The following JAZF1 variants were observed in gnomAD, a reference collection of about 807,000 sequenced individuals.
The protein encoded by JAZF1 is JAZF zinc finger 1.
A neutral mutation model predicts 26.4 loss-of-function variants in JAZF1; 8 were observed. That is an observed-to-expected ratio of 0.30 (90% confidence interval 0.18 to 0.55). The LOEUF (loss-of-function observed/expected upper bound fraction) is 0.55. JAZF1 is among the 20% of genes least tolerant of loss of function. JAZF1 has a pLI of 0.94. For synonymous variants in JAZF1, 126 were observed against 122.3 expected (o/e 1.03, Z -0.20); for missense variants, 199 against 322.0 (o/e 0.62, Z 2.92).
At chr7:28,125,255 G>T (rs561601056) in intron 1 of JAZF1, among the ~76,000 whole-genome samples, 56 of 150,478 alleles carry the variant, frequency 3.7e-4, no homozygotes, top group African/African-American at 1.3e-3. Context: ...TTAAAATTCA[G>T]TTTTCCCCCC....
chr7:28,068,217 GT>G lies in JAZF1; in HGVS notation c.116-76237del, dbSNP rs551935511. Among the ~76,000 whole-genome samples the G allele has an allele frequency of 9.2e-3, 1,151 of 124,462 alleles. 14 individuals are homozygous for G. The highest frequency in any genetic ancestry group is 0.025 in the African/African-American group (876 of 34,382). 81.7% of individuals were successfully genotyped at this position (124,462 alleles called of 152,430 possible). ...GGTGTAAGCCACCGTGCTCAGCCTA[GT>G]TTTTTTTTTTTTTTTTTTCATAAAG... is the stretch of plus-strand genomic sequence containing the variant. On this transcript the variant is annotated intron_variant, in intron 1 of 4. Transcript: ENST00000283928.
At chr7:28,049,817 G>C (rs1343500707) in intron 1 of JAZF1, among the ~76,000 whole-genome samples, 1 of 152,136 alleles carries the variant, frequency 6.6e-6, no homozygotes. Context: ...TGGGAAAGAG[G>C]CACAGAACTT....
At chr7:27,907,567 A>G (rs1379498237) in intron 2 of JAZF1, among the ~76,000 whole-genome samples, 1 of 152,174 alleles carries the variant, frequency 6.6e-6, no homozygotes, top group African/African-American at 2.4e-5. Context: ...CCTTAGGTGA[A>G]TTCTTCTGAC....
At chr7:27,868,162 A>G (rs1039652028) in intron 3 of JAZF1, among the ~76,000 whole-genome samples, 3 of 152,190 alleles carry the variant, frequency 2.0e-5, no homozygotes, top group African/African-American at 7.2e-5. Context: ...AGTCGTTACT[A>G]TTTTCACTGG....
rs149538306 is a variant in JAZF1 at position 27,849,618 on chromosome 7, G to A, written c.386-8751C>T. 2.8e-4 allele frequency among the ~76,000 whole-genome samples: 42 copies of A among 152,274 alleles called. No individual in the cohort carries two copies. The East Asian group carries it at 7.9e-3, about 29-fold the overall frequency. On this transcript the variant is annotated intron_variant, in intron 3 of 4. Coordinates refer to ENST00000283928, the MANE Select transcript of JAZF1 (RefSeq NM_175061.4). ...TTCAGCATTTCAGTTGGGGAAATGA[G>A]CAAAACGAAGGTAGGACCCTGTGAT...
intron 3 of JAZF1, among the ~76,000 whole-genome samples, chr7:27,847,860 G>A (rs1245464445): frequency 2.0e-5 from 3 of 152,042 alleles, no homozygotes; most frequent in East Asian, 1.9e-4. Flanking sequence ...TGGAGACAGG[G>A]TTTTGCTATG....
chr7:28,176,406 T>G (rs759706824), intron 1 of JAZF1, among the ~76,000 whole-genome samples: 12 of 152,314 alleles, frequency 7.9e-5, no homozygotes, highest in Non-Finnish European at 1.3e-4. Flanking sequence ...CATGACTAAC[T>G]CTCACACCTC....
intron 3 of JAZF1, among the ~76,000 whole-genome samples, chr7:27,891,631 A>G (rs1250580908): frequency 2.0e-5 from 3 of 151,550 alleles, no homozygotes; most frequent in African/African-American, 7.3e-5. Context: ...GTTCAAGACC[A>G]GCCTGGGCAA....
chr7:27,930,284 C>T (rs1021427306), intron 2 of JAZF1, among the ~76,000 whole-genome samples: 12 of 152,152 alleles, frequency 7.9e-5, no homozygotes, highest in African/African-American at 2.2e-4. Flanking sequence ...CATGAGCCAC[C>T]GTGCCCGGCC....
chr7:27,863,619 A>C (rs1381787329), intron 3 of JAZF1, among the ~76,000 whole-genome samples: 1 of 152,220 alleles, frequency 6.6e-6, no homozygotes, highest in Non-Finnish European at 1.5e-5. Flanking sequence ...AAGCTCTGCA[A>C]AACTGAATTC....
rs867804736 is a variant in JAZF1, at chr7:27,998,079, C to A, written c.116-6098G>T. ...GAAGGAAGGAAGGAAGGAAGGCAGGCAGGCAGGCAGGCAGGCAGACATGAG... is the reference window on the plus strand; with the variant it reads ...GAAGGAAGGAAGGAAGGAAGGCAGGAAGGCAGGCAGGCAGGCAGACATGAG... On this transcript the variant is annotated intron_variant, in intron 1 of 4. Transcript: ENST00000283928. Among the ~76,000 whole-genome samples, 19 of 126,134 alleles carry A rather than the reference C, an allele frequency of 1.5e-4. No individual in the cohort carries two copies. In the East Asian group the frequency reaches 2.5e-3, roughly 17 times the overall value. The allele number at this position is 126,134 out of a possible 152,430, so 82.7% of individuals were successfully genotyped here. A position where few individuals can be genotyped will look rare whatever the true frequency, so the allele number is the denominator to read the frequency against.
intron 2 of JAZF1, among the ~76,000 whole-genome samples, chr7:27,943,797 G>C (rs1235541821): frequency 1.3e-5 from 2 of 152,156 alleles, no homozygotes; most frequent in Non-Finnish European, 2.9e-5. Flanking sequence ...TAGAGCATTA[G>C]CTGAAAGTTA....
rs1177561233 is a variant in JAZF1 at position 28,058,423 on chromosome 7, A to T, written c.116-66442T>A. Reference sequence around the variant, plus strand: ...CTATTTCTGTTCATCATCCCATCTCACCCTGAAGCATTCTGGAGAACCAAG... The same window carrying T: ...CTATTTCTGTTCATCATCCCATCTCTCCCTGAAGCATTCTGGAGAACCAAG... On this transcript the variant is annotated intron_variant, in intron 1 of 4. Coordinates refer to ENST00000283928, the MANE Select transcript of JAZF1 (RefSeq NM_175061.4). Among the ~76,000 whole-genome samples, 5 of 152,164 alleles carry T rather than the reference A, an allele frequency of 3.3e-5. No homozygotes were observed. In the East Asian group the frequency reaches 9.7e-4, roughly 29 times the overall value.
chr7:27,856,466 C>T (rs1303455278), intron 3 of JAZF1, among the ~76,000 whole-genome samples: 3 of 152,234 alleles, frequency 2.0e-5, no homozygotes, highest in Admixed American at 2.0e-4. Context: ...CGGGTTGCCA[C>T]TGCTGATTCA....
intron 1 of JAZF1, among the ~76,000 whole-genome samples, chr7:28,166,230 A>T (rs1189216103): frequency 1.3e-5 from 2 of 152,196 alleles, no homozygotes; most frequent in African/African-American, 4.8e-5. Flanking sequence ...TAAGACTAAA[A>T]ATGATTTCAA....
chr7:28,007,473 G>T (rs541064421), intron 1 of JAZF1, among the ~76,000 whole-genome samples: 7 of 152,214 alleles, frequency 4.6e-5, no homozygotes, highest in African/African-American at 1.7e-4. Context: ...GGAGGCTGAG[G>T]CAGGAGAATC....
At chr7:28,166,660 A>C (rs944037094) in intron 1 of JAZF1, among the ~76,000 whole-genome samples, 1 of 152,234 alleles carries the variant, frequency 6.6e-6, no homozygotes. Flanking sequence ...GAAAGAGAAA[A>C]CTATATTTAT....
chr7:27,837,628 G>A lies in JAZF1; in HGVS notation c.555+3070C>T, dbSNP rs57781449. On this transcript the variant is annotated intron_variant, in intron 4 of 4. Transcript: ENST00000283928. ...AGGGGCGGAGAGGGGAGTAAGTCTG[G>A]GAGGTTGGTGAGGGGTCCCAGAGGT... is the stretch of plus-strand genomic sequence containing the variant. 9.5e-3 allele frequency among the ~76,000 whole-genome samples: 1,450 copies of A among 152,292 alleles called. 26 individuals are homozygous for A. The highest frequency in any genetic ancestry group is 0.033 in the African/African-American group (1,381 of 41,550).
At chr7:27,846,035 A>G (rs1359940548) in intron 3 of JAZF1, among the ~76,000 whole-genome samples, 1 of 152,074 alleles carries the variant, frequency 6.6e-6, no homozygotes, top group African/African-American at 2.4e-5. Flanking sequence ...TCCAGAGGAA[A>G]GCTTTCTCAC....
Sources: allele counts gnomAD v4.1 joint callset (sites outside exome capture counted in the v4.1 genomes callset), GRCh38; gene constraint gnomAD v4.1.1; transcripts MANE v1.5; gene names NCBI Gene and HGNC (gene_info 2026-07-23, HGNC 2026-07-21).